ARMH4: variants seen among roughly 807,000 people sequenced by gnomAD.
ARMH4 encodes armadillo-like helical domain-containing protein 4.
In ARMH4, 49 loss-of-function variants were observed where a neutral mutation model predicts 61.9. The observed-to-expected ratio is 0.79, with a 90% confidence interval of 0.63 to 1.00. The LOEUF (loss-of-function observed/expected upper bound fraction) is 1.00, where lower values mean the gene tolerates loss of function less well. ARMH4 is among the 50% of genes least tolerant of loss of function. The probability of loss-of-function intolerance (pLI) is 0.00; values close to 1 mark genes in which losing one functional copy is unlikely to be tolerated. For missense variants in ARMH4, 934 were observed against 930.0 expected, an observed-to-expected ratio of 1.00 and a Z score of -0.06; for synonymous variants, 368 against 341.5, an observed-to-expected ratio of 1.08 and a Z score of -0.85.
intron 5 of ARMH4, among the ~76,000 whole-genome samples, chr14:58,065,289 T>G (rs1363286872): frequency 6.6e-6 from 1 of 152,192 alleles, no homozygotes; most frequent in Non-Finnish European, 1.5e-5. Context: ...TTGCCTATGA[T>G]GTGATTGCAG....
intron 3 of ARMH4, among the ~76,000 whole-genome samples, chr14:58,132,583 T>G (rs1042365677): frequency 8.0e-6 from 1 of 124,680 alleles, no homozygotes; most frequent in Non-Finnish European, 1.7e-5. Context: ...CCTTGTCCCT[T>G]TTTTTTTTTT....
intron 5 of ARMH4, among the ~76,000 whole-genome samples, chr14:58,017,295 C>A (rs911675685): frequency 1.3e-5 from 2 of 152,154 alleles, no homozygotes. Context: ...CCCTTGGCAA[C>A]AGACCAACAC....
At chr14:58,031,681 T>G (rs1883237409) in intron 5 of ARMH4, among the ~76,000 whole-genome samples, 2 of 152,174 alleles carry the variant, frequency 1.3e-5, no homozygotes, top group African/African-American at 4.8e-5. Flanking sequence ...CTTCCAAAAT[T>G]GTAATGCAAT....
intron 5 of ARMH4, among the ~76,000 whole-genome samples, chr14:58,015,771 A>AG (rs398025216): frequency 2.0e-5 from 3 of 150,240 alleles, no homozygotes; most frequent in African/African-American, 7.3e-5. Flanking sequence ...AAAAAAAAAA[A>AG]GATGATGGCC....
chr14:58,084,652 A>G (rs1160159243), intron 5 of ARMH4, among the ~76,000 whole-genome samples: 1 of 152,190 alleles, frequency 6.6e-6, no homozygotes, highest in Non-Finnish European at 1.5e-5. Flanking sequence ...ATTATTTCAG[A>G]AAGATTTCAG....
intron 5 of ARMH4, among the ~76,000 whole-genome samples, chr14:58,034,556 T>A (rs1191290658): frequency 9.6e-6 from 1 of 103,644 alleles, no homozygotes; most frequent in African/African-American, 3.7e-5. Flanking sequence ...CATAACAATA[T>A]TAACTTTAAA....
chr14:58,052,801 C>G (rs1377660296), intron 5 of ARMH4, among the ~76,000 whole-genome samples: 1 of 152,104 alleles, frequency 6.6e-6, no homozygotes, highest in Non-Finnish European at 1.5e-5. Flanking sequence ...CCTTTGAGCT[C>G]CAGACATTTC....
At chr14:58,067,725 T>C (rs914954832) in intron 5 of ARMH4, among the ~76,000 whole-genome samples, 20 of 152,154 alleles carry the variant, frequency 1.3e-4, no homozygotes, top group Admixed American at 1.1e-3. Flanking sequence ...ATAGCCAGAA[T>C]AAACAAACAA....
chr14:58,109,434 C>A (rs1886276399), intron 4 of ARMH4, among the ~76,000 whole-genome samples: 1 of 152,160 alleles, frequency 6.6e-6, no homozygotes, highest in South Asian at 2.1e-4. Context: ...TGTCAAGGAC[C>A]CTCTATAGCA....
intron 4 of ARMH4, among the ~76,000 whole-genome samples, chr14:58,111,155 A>T (rs537674097): frequency 4.5e-4 from 69 of 152,342 alleles, no homozygotes; most frequent in African/African-American, 1.6e-3. Context: ...TATTTTATAT[A>T]TGTCAAGGAA....
At chr14:58,131,161 T>G in intron 4 of ARMH4, 1 of 201,348 alleles carries the variant, frequency 5.0e-6, no homozygotes, top group Non-Finnish European at 1.0e-5. Flanking sequence ...TTAATTCTGC[T>G]GCTATGGCAC....
chr14:58,042,873 C>T (rs926904674), intron 5 of ARMH4, among the ~76,000 whole-genome samples: 2 of 152,160 alleles, frequency 1.3e-5, no homozygotes, highest in African/African-American at 4.8e-5. Context: ...TAGACACATA[C>T]ACTCTCCCAA....
chr14:58,128,127 A>G (rs1332958433), intron 4 of ARMH4, among the ~76,000 whole-genome samples: 2 of 152,232 alleles, frequency 1.3e-5, no homozygotes, highest in African/African-American at 2.4e-5. Context: ...GAGTAAGCAG[A>G]TATCTTCAGA....
chr14:58,043,723 A>C (rs2141187241), intron 5 of ARMH4, among the ~76,000 whole-genome samples: 1 of 152,298 alleles, frequency 6.6e-6, no homozygotes, highest in East Asian at 1.9e-4. Flanking sequence ...CTCAGCCCAA[A>C]ATCTCCTTAA....
intron 5 of ARMH4, among the ~76,000 whole-genome samples, chr14:58,020,256 C>G (rs895904716): frequency 3.3e-5 from 5 of 151,812 alleles, no homozygotes; most frequent in African/African-American, 1.2e-4. Context: ...GCAGGTGGGC[C>G]AAGGAGACCT....
rs1022754682 is a variant in ARMH4 at position 58,139,349 on chromosome 14, G to A, written c.10C>T (p.Pro4Ser). 2.5e-6 allele frequency: 4 copies of A among 1,613,872 alleles called. No individual in the cohort carries two copies. The highest frequency in any genetic ancestry group is 1.7e-5 in the Admixed American group (1 of 60,030). MRG[P>S]IVLHICLAFC... is the part of the protein sequence containing the mutation. The stretch of plus-strand genomic sequence containing the variant: ...GCCAGACAAATGTGCAATACAATCG[G>A]TCCTCTCATAGTGGAAGAGAAATGG... Residue 4 changes from proline (P) to serine (S), a missense_variant, in exon 2 of 8, where the codon CCG (proline) becomes TCG (serine). Physicochemically the swap from Pro to Ser is moderately conservative, Grantham distance 74. Transcript: ENST00000267485.
intron 5 of ARMH4, among the ~76,000 whole-genome samples, chr14:58,017,567 T>C (rs1882661312): frequency 6.6e-6 from 1 of 152,056 alleles, no homozygotes; most frequent in South Asian, 2.1e-4. Context: ...AGGCATAAAT[T>C]TAATCAAGGA....
At chr14:58,137,179 C>T (rs1436247528) in intron 2 of ARMH4, among the ~76,000 whole-genome samples, 1 of 152,048 alleles carries the variant, frequency 6.6e-6, no homozygotes, top group Non-Finnish European at 1.5e-5. Flanking sequence ...TCAACCTCAG[C>T]GCTATTAACA....
chr14:58,148,168 T>A (rs574198910), intron 1 of ARMH4, among the ~76,000 whole-genome samples: 3 of 152,180 alleles, frequency 2.0e-5, no homozygotes, highest in Non-Finnish European at 4.4e-5. Flanking sequence ...TGCCTCAGCC[T>A]CCCGAGTAGC....
Sources: allele counts gnomAD v4.1 joint callset (sites outside exome capture counted in the v4.1 genomes callset), GRCh38; gene constraint gnomAD v4.1.1; transcripts MANE v1.5; gene names NCBI Gene and HGNC (gene_info 2026-07-23, HGNC 2026-07-21).